Variants in VTCN1 observed in about 807,000 individuals in gnomAD.
The protein encoded by VTCN1 is V-set domain containing T cell activation inhibitor 1.
A neutral mutation model predicts 26.5 loss-of-function variants in VTCN1; 26 were observed. That is an observed-to-expected ratio of 0.98 (90% CI 0.72 to 1.36). The LOEUF is 1.36. VTCN1 is among the 40% of genes most tolerant of loss of function. VTCN1 has a pLI of 0.00. For missense variants in VTCN1, 298 were observed against 337.7 expected (o/e 0.88, Z 0.92); for synonymous variants, 116 against 130.7 (o/e 0.89, Z 0.77).
chr1:117,196,647 A>T (rs1019396168), intron 1 of VTCN1, among the ~76,000 whole-genome samples: 7 of 151,876 alleles, frequency 4.6e-5, no homozygotes, highest in Non-Finnish European at 8.8e-5. Context: ...GCAAACAGGC[A>T]TCTCTCCATT....
chr1:117,183,923 C>T lies in VTCN1; in HGVS notation c.33-13752G>A, dbSNP rs551350329. Among the ~76,000 whole-genome samples the T allele has an allele frequency of 5.3e-5, 8 of 152,162 alleles. No individual in the cohort carries two copies. The highest frequency in any genetic ancestry group is 7.4e-5 in the Non-Finnish European group (5 of 68,016). On this transcript the variant is annotated intron_variant, in intron 1 of 5. Transcript: ENST00000369458. This position sits in a 1 kb window ranked among gnomAD's most constrained non-coding sequence, Gnocchi z 4.1. ...TCCAGATCAGTAAGAGAGTGCTGGG[C>T]GCAATGGCTATGCATTCCAGGGACC...
chr1:117,206,400 A>G (rs1211108157), intron 1 of VTCN1, among the ~76,000 whole-genome samples: 1 of 152,214 alleles, frequency 6.6e-6, no homozygotes, highest in African/African-American at 2.4e-5. Flanking sequence ...AATAGCTAAC[A>G]TTTATGGAGT....
chr1:117,201,796 C>A (rs113131920), intron 1 of VTCN1, among the ~76,000 whole-genome samples: 15 of 152,358 alleles, frequency 9.8e-5, no homozygotes, highest in African/African-American at 3.6e-4. Context: ...GACACCATGA[C>A]TTTCCCATCA....
Position 117,183,137 on chromosome 1 carries a change from A to G in VTCN1, c.33-12966T>C, listed in dbSNP as rs1176449573. ...CAAGAAGATTTTATATAAACCTGTG[A>G]CTACTTTCTCCCATCTCCCGTCACC... On this transcript the variant is annotated intron_variant, in intron 1 of 5. Coordinates refer to ENST00000369458, the MANE Select transcript of VTCN1 (RefSeq NM_024626.4). The surrounding 1 kb of genome is among the most constrained non-coding windows in gnomAD (Gnocchi z 4.1). 6.6e-6 allele frequency among the ~76,000 whole-genome samples: 1 copy of G among 152,152 alleles called. No individual in the cohort carries two copies. The highest frequency in any genetic ancestry group is 2.4e-5 in the African/African-American group (1 of 41,402).
intron 1 of VTCN1, among the ~76,000 whole-genome samples, chr1:117,186,264 T>C (rs1183615335): frequency 6.6e-6 from 1 of 152,236 alleles, no homozygotes; most frequent in Non-Finnish European, 1.5e-5. Flanking sequence ...ATAAGTAATA[T>C]AGCTGAAATT....
intron 1 of VTCN1, among the ~76,000 whole-genome samples, chr1:117,194,530 A>G (rs773783085): frequency 6.6e-6 from 1 of 152,226 alleles, no homozygotes; most frequent in Non-Finnish European, 1.5e-5. Context: ...TATATATCCA[A>G]AGGAAATGTA....
chr1:117,183,302 C>G lies in VTCN1; in HGVS notation c.33-13131G>C, dbSNP rs183633910. ...ACCAAATGCTTGTTGAATAAATGCC[C>G]CACCTTACAGACTGCTTCCCTTGGA... On this transcript the variant is annotated intron_variant, in intron 1 of 5. Transcript: ENST00000369458. This position sits in a 1 kb window ranked among gnomAD's most constrained non-coding sequence, Gnocchi z 4.1. Among the ~76,000 whole-genome samples, 9 of 152,278 alleles carry G rather than the reference C, an allele frequency of 5.9e-5. No individual in the cohort carries two copies. The East Asian group carries it at 1.5e-3, about 26-fold the overall frequency.
At chr1:117,187,888 TA>T (rs962523694) in intron 1 of VTCN1, among the ~76,000 whole-genome samples, 4 of 151,594 alleles carry the variant, frequency 2.6e-5, no homozygotes, top group African/African-American at 4.8e-5. Context: ...AGAAAAAAAC[TA>T]AAAAAAGGGG....
In VTCN1 at chr1:117,155,084, C is replaced by T. The variant is rs1016057189; in HGVS notation, c.445+1490G>A. ...AGTACCGGTTAGGTATTTTCCATGA[C>T]CTTGACAGTTCTGAGGAGTACTGGT... is the stretch of plus-strand genomic sequence containing the variant. On this transcript the variant is annotated intron_variant, in intron 3 of 5. Transcript: ENST00000369458. The surrounding 1 kb of genome is among the most constrained non-coding windows in gnomAD (Gnocchi z 4.8). 6.6e-6 allele frequency among the ~76,000 whole-genome samples: 1 copy of T among 152,086 alleles called. No homozygotes were observed. Among genetic ancestry groups the T allele is most frequent in the African/African-American group, 2.4e-5 (1 of 41,408 alleles).
intron 1 of VTCN1, among the ~76,000 whole-genome samples, chr1:117,202,411 A>T (rs1002021808): frequency 3.5e-4 from 54 of 152,242 alleles, no homozygotes; most frequent in African/African-American, 1.2e-3. Context: ...GGAAACCAAG[A>T]GAAGAAAGAG....
Position 117,210,881 on chromosome 1 carries a change from T to C in VTCN1, c.-26A>G. ...GGCTGGGGAAGGTTCCCAGCGTATC[T>C]GGGTACTGGCTGAGTGGAGCTGCCG... is the stretch of plus-strand genomic sequence containing the variant. On this transcript the variant is annotated 5_prime_UTR_variant, in exon 1 of 6. Coordinates refer to ENST00000369458, the MANE Select transcript of VTCN1 (RefSeq NM_024626.4). The C allele has an allele frequency of 6.2e-7, 1 of 1,613,976 alleles. No homozygotes were observed. Among genetic ancestry groups the C allele is most frequent in the Non-Finnish European group, 8.5e-7 (1 of 1,179,906 alleles).
At chr1:117,196,971 A>G (rs886753666) in intron 1 of VTCN1, among the ~76,000 whole-genome samples, 1 of 152,192 alleles carries the variant, frequency 6.6e-6, no homozygotes, top group Non-Finnish European at 1.5e-5. Context: ...AATGCTAATG[A>G]AAGCCACCAT....
chr1:117,207,586 G>A (rs1210093217), intron 1 of VTCN1, among the ~76,000 whole-genome samples: 1 of 152,088 alleles, frequency 6.6e-6, no homozygotes, highest in Non-Finnish European at 1.5e-5. Flanking sequence ...GACACTAGAT[G>A]TCTATCCCCA....
chr1:117,188,429 T>G (rs1648072272), intron 1 of VTCN1, among the ~76,000 whole-genome samples: 1 of 152,166 alleles, frequency 6.6e-6, no homozygotes, highest in African/African-American at 2.4e-5. Flanking sequence ...TTTTGGGGAA[T>G]AAGGGACTGA....
chr1:117,179,375 AGGGAACT>A (rs1647563410), intron 1 of VTCN1, among the ~76,000 whole-genome samples: 1 of 152,148 alleles, frequency 6.6e-6, no homozygotes, highest in Admixed American at 6.5e-5. Context: ...AAAATAGTTG[AGGGAACT>A]AGGGTGGTTT....
rs200855830 is a variant in VTCN1, at chr1:117,156,758, T to C, written c.261A>G (p.Lys87=). The stretch of plus-strand genomic sequence containing the variant: ...TTTCATCCTGCTCCGACAGCTCATC[T>C]TTGCCTTCTTTGAACTCATGGACCA... ...LGLVHEFKEG[K]DELSEQDEMF... Residue 87 remains lysine, a synonymous_variant, in exon 3 of 6, where the codon AAA becomes AAG. Transcript: ENST00000369458. 3.9e-5 allele frequency: 63 copies of C among 1,614,074 alleles called. No homozygotes were observed. The highest frequency in any genetic ancestry group is 5.0e-5 in the Non-Finnish European group (59 of 1,180,028).
intron 2 of VTCN1, 170 bp from the exon 3 acceptor site, chr1:117,157,091 T>TGA (rs1553208017): frequency 7.9e-6 from 6 of 759,234 alleles, no homozygotes; most frequent in African/African-American, 6.4e-5. Flanking sequence ...ACAATCATTT[T>TGA]GATATATATA....
chr1:117,177,387 T>G (rs539511038), intron 1 of VTCN1, among the ~76,000 whole-genome samples: 2 of 152,266 alleles, frequency 1.3e-5, no homozygotes, highest in South Asian at 4.2e-4. Flanking sequence ...TGTATCTCTT[T>G]ATACTGGTAA....
intron 2 of VTCN1, among the ~76,000 whole-genome samples, chr1:117,160,716 C>A (rs987116519): frequency 1.3e-5 from 2 of 152,098 alleles, no homozygotes; most frequent in Admixed American, 1.3e-4. Context: ...ACAAAGCAGA[C>A]GTGTTTGTTG....
Sources: allele counts gnomAD v4.1 joint callset (sites outside exome capture counted in the v4.1 genomes callset), GRCh38; gene constraint gnomAD v4.1.1; non-coding constraint Gnocchi (gnomAD v3.1); transcripts MANE v1.5; gene names NCBI Gene and HGNC (gene_info 2026-07-23, HGNC 2026-07-21).